CDH6: variants seen among roughly 807,000 people sequenced by gnomAD.
The protein encoded by CDH6 is cadherin-6.
A neutral mutation model predicts 78.0 loss-of-function variants in CDH6; 31 were observed. That is an observed-to-expected ratio of 0.40 (90% CI 0.30 to 0.54). CDH6 has a LOEUF of 0.54. CDH6 is among the 20% of genes least tolerant of loss of function. CDH6 has a pLI of 0.56. For missense variants in CDH6, 724 were observed against 975.9 expected, an observed-to-expected ratio of 0.74 and a Z score of 3.44; for synonymous variants, 376 against 368.8, an observed-to-expected ratio of 1.02 and a Z score of -0.23.
chr5:31,300,564 A>T (rs779191563), intron 5 of CDH6, among the ~76,000 whole-genome samples: 1 of 152,326 alleles, frequency 6.6e-6, no homozygotes, highest in Non-Finnish European at 1.5e-5. Flanking sequence ...AGGTTCTATG[A>T]GGCCTACCAT....
rs1344834071 is a variant in CDH6 at position 31,323,145 on chromosome 5, C to T, written c.2210C>T (p.Thr737Ile). ...GCCCCGCCATACGACTCCTTGGCCA[C>T]TTACGCCTATGAAGGCACTGGCTCC... ...PTAPPYDSLATYAYEGTGSVA... is the reference protein window; with the variant it reads ...PTAPPYDSLAIYAYEGTGSVA... The change falls in exon 12 of 12, where the codon ACT becomes ATT. Residue 737 changes from threonine to isoleucine, a missense_variant. This residue lies in a region of CDH6 where 220 missense variants were observed against 240.6 expected (regional missense o/e 0.91). Coordinates refer to ENST00000265071, the MANE Select transcript of CDH6 (RefSeq NM_004932.4). The T allele has an allele frequency of 6.2e-7, 1 of 1,614,214 alleles. No homozygotes were observed. The highest frequency in any genetic ancestry group is 2.2e-5 in the East Asian group (1 of 44,874).
chr5:31,297,281 C>T lies in CDH6; in HGVS notation c.524-8C>T. 1 of 1,609,422 alleles carries T rather than the reference C, an allele frequency of 6.2e-7. No individual in the cohort carries two copies. On this transcript the variant is annotated splice_region_variant and splice_polypyrimidine_tract_variant and intron_variant, in intron 3 of 11. Transcript: ENST00000265071. ...ATGTGTTTTCAGTTTATATTTCTGT[C>T]ATTACAGGTACATTTGTTGTCCAAG...
chr5:31,202,205 G>A (rs111818062), intron 1 of CDH6, among the ~76,000 whole-genome samples: 1,673 of 152,152 alleles, frequency 0.011, 28 homozygotes, highest in African/African-American at 0.036. Context: ...ACTTCAAAAA[G>A]CAATTGCCTT....
At chr5:31,197,906 T>A (rs781301082) in intron 1 of CDH6, among the ~76,000 whole-genome samples, 1 of 152,210 alleles carries the variant, frequency 6.6e-6, no homozygotes, top group Non-Finnish European at 1.5e-5. Flanking sequence ...TTTCTATTCG[T>A]ACAGAAGCCT....
intron 1 of CDH6, among the ~76,000 whole-genome samples, chr5:31,262,167 C>T (rs1742227461): frequency 1.3e-5 from 2 of 152,192 alleles, no homozygotes; most frequent in South Asian, 4.1e-4. Flanking sequence ...GGCCCAGGCT[C>T]CTCCAAAATG....
chr5:31,223,268 GA>G (rs1169896019), intron 1 of CDH6, among the ~76,000 whole-genome samples: 1 of 152,168 alleles, frequency 6.6e-6, no homozygotes, highest in African/African-American at 2.4e-5. Flanking sequence ...ATTGCTCTTA[GA>G]ACTTGTTTGA....
In CDH6 at chr5:31,324,584, A is replaced by T. The variant is rs930867454; in HGVS notation, c.*1276A>T. 5 of 212,228 alleles carry T rather than the reference A, an allele frequency of 2.4e-5. No homozygotes were observed. The Admixed American group carries it at 2.9e-4, about 12-fold the overall frequency. 13.1% of individuals were successfully genotyped at this position (212,228 alleles called of 1,614,324 possible). A position where few individuals can be genotyped will look rare whatever the true frequency, so the allele number is the denominator to read the frequency against. ...ATTAAAATGATAGTTGATTTTCAAA[A>T]GCATTAATTTTTTTTCATTGTTTTT... On this transcript the variant is annotated 3_prime_UTR_variant, in exon 12 of 12. Transcript: ENST00000265071.
chr5:31,289,258 A>G (rs1743093147), intron 2 of CDH6, among the ~76,000 whole-genome samples: 1 of 152,178 alleles, frequency 6.6e-6, no homozygotes, highest in Non-Finnish European at 1.5e-5. Flanking sequence ...CATTTAGGAT[A>G]ATGGCCTCCA....
intron 2 of CDH6, among the ~76,000 whole-genome samples, chr5:31,274,754 AG>A (rs1742644548): frequency 6.6e-6 from 1 of 152,360 alleles, no homozygotes; most frequent in African/African-American, 2.4e-5. Flanking sequence ...TGGGAGGCAA[AG>A]GTTGCAGTGA....
intron 2 of CDH6, among the ~76,000 whole-genome samples, chr5:31,275,472 G>A (rs1194445689): frequency 6.6e-6 from 1 of 152,136 alleles, no homozygotes; most frequent in Non-Finnish European, 1.5e-5. Context: ...TTCTGTTCTT[G>A]TGTTAATTCA....
chr5:31,281,941 A>G (rs936438700), intron 2 of CDH6, among the ~76,000 whole-genome samples: 1 of 152,206 alleles, frequency 6.6e-6, no homozygotes, highest in East Asian at 1.9e-4. Flanking sequence ...GGAGAAAATA[A>G]AAGTTACCCC....
Position 31,317,867 on chromosome 5 carries a change from A to C in CDH6, c.1825A>C (p.Thr609Pro). 6.2e-7 allele frequency: 1 copy of C among 1,613,906 alleles called. No homozygotes were observed. The highest frequency in any genetic ancestry group is 8.5e-7 in the Non-Finnish European group (1 of 1,179,900). The change falls in exon 11 of 12, where the codon ACG becomes CCG. Residue 609 changes from threonine (T) to proline (P), a missense_variant. By Grantham distance (38) the Thr-to-Pro change is conservative. Coordinates refer to ENST00000265071, the MANE Select transcript of CDH6 (RefSeq NM_004932.4). ...CCATGCGGAGGCGCTCATCCACCCC[A>C]CGGGACTGAGCACGGGGGCTCTGGT... The part of the protein sequence containing the change: ...SCHAEALIHP[T>P]GLSTGALVAI...
chr5:31,211,011 A>G (rs1423709486), intron 1 of CDH6, among the ~76,000 whole-genome samples: 1 of 152,230 alleles, frequency 6.6e-6, no homozygotes, highest in South Asian at 2.1e-4. Context: ...CTGCAAAATG[A>G]CAATTTAGAG....
chr5:31,280,771 A>C (rs1224215643), intron 2 of CDH6, among the ~76,000 whole-genome samples: 4 of 152,058 alleles, frequency 2.6e-5, no homozygotes, highest in Non-Finnish European at 4.4e-5. Context: ...GGGGAGAAGG[A>C]GAGCTTTTGA....
At chr5:31,265,295 CT>C (rs370791005) in intron 1 of CDH6, among the ~76,000 whole-genome samples, 14 of 152,280 alleles carry the variant, frequency 9.2e-5, no homozygotes, top group Admixed American at 4.6e-4. Flanking sequence ...CATTCCACCC[CT>C]GTACCAAGGC....
chr5:31,292,202 G>A (rs779264181), intron 2 of CDH6, among the ~76,000 whole-genome samples: 1 of 152,018 alleles, frequency 6.6e-6, no homozygotes, highest in Non-Finnish European at 1.5e-5. Flanking sequence ...TATCTTTTTT[G>A]GAAAACTGGT....
chr5:31,204,092 A>G (rs367993806), intron 1 of CDH6, among the ~76,000 whole-genome samples: 43 of 152,256 alleles, frequency 2.8e-4, no homozygotes, highest in African/African-American at 9.2e-4. Flanking sequence ...AGAAAATTGC[A>G]TTTAAGATAA....
chr5:31,238,375 A>C (rs1741507448), intron 1 of CDH6, among the ~76,000 whole-genome samples: 1 of 152,338 alleles, frequency 6.6e-6, no homozygotes, highest in East Asian at 1.9e-4. Context: ...AAGATAGTCC[A>C]TGCATAGGAG....
intron 1 of CDH6, among the ~76,000 whole-genome samples, chr5:31,235,677 A>T (rs1338873059): frequency 6.6e-6 from 1 of 152,202 alleles, no homozygotes; most frequent in Non-Finnish European, 1.5e-5. Context: ...AAATGAATAA[A>T]TCTTGTTTTC....
Sources: allele counts gnomAD v4.1 joint callset (sites outside exome capture counted in the v4.1 genomes callset), GRCh38; gene constraint gnomAD v4.1.1; regional missense constraint gnomAD v4.1.1; transcripts MANE v1.5; gene names NCBI Gene and HGNC (gene_info 2026-07-23, HGNC 2026-07-21).